SLC26A7: variants seen among roughly 807,000 people sequenced by gnomAD.
The protein encoded by SLC26A7 is solute carrier family 26 member 7.
A neutral mutation model predicts 82.5 loss-of-function variants in SLC26A7; 59 were observed. The observed-to-expected ratio is 0.72, with a 90% CI of 0.58 to 0.89. The LOEUF is 0.89. Ranked by LOEUF, SLC26A7 falls within the 40% of genes least tolerant of loss-of-function variation. The pLI, the probability that SLC26A7 is intolerant of heterozygous loss-of-function variation, is 0.00. For missense variants in SLC26A7, 820 were observed against 793.0 expected (o/e 1.03, Z -0.41); for synonymous variants, 271 against 274.3 (o/e 0.99, Z 0.12).
At chr8:91,242,644 A>T (rs912802139) in intron 2 of SLC26A7, among the ~76,000 whole-genome samples, 8 of 152,156 alleles carry the variant, frequency 5.3e-5, no homozygotes, top group East Asian at 3.9e-4. Flanking sequence ...TCTCTCTGCC[A>T]TGTGAGAATG....
At chr8:91,354,070 G>A (rs894892761) in intron 11 of SLC26A7, among the ~76,000 whole-genome samples, 4 of 152,138 alleles carry the variant, frequency 2.6e-5, no homozygotes, top group African/African-American at 9.6e-5. Flanking sequence ...ACAGTATTTT[G>A]TAGGCAGAAC....
intron 4 of SLC26A7, among the ~76,000 whole-genome samples, chr8:91,313,124 C>T (rs1238070685): frequency 6.6e-6 from 1 of 152,080 alleles, no homozygotes; most frequent in African/African-American, 2.4e-5. Flanking sequence ...TTTCAGGTCT[C>T]ATATTTAGAT....
At position 91,249,754 on chromosome 8, in the gene SLC26A7, T is replaced by C. The variant is rs1341654815; in HGVS notation, c.103T>C (p.Leu35=). The C allele has an allele frequency of 1.2e-6, 2 of 1,612,728 alleles. No homozygotes were observed. The highest frequency in any genetic ancestry group is 3.3e-5 in the Admixed American group (2 of 59,784). Residue 35 remains leucine, a synonymous_variant, in exon 2 of 19, where the codon TTG becomes CTG. Transcript: ENST00000276609. Reference sequence around the variant, plus strand: ...GTGGTGTAGAAGGCGACTGCCCATTTTGGATTGGGCACCACATTACAATCT... The same window carrying C: ...GTGGTGTAGAAGGCGACTGCCCATTCTGGATTGGGCACCACATTACAATCT... ...IQWCRRRLPI[L]DWAPHYNLKE...
At chr8:91,278,049 A>G (rs1811453462) in intron 2 of SLC26A7, among the ~76,000 whole-genome samples, 2 of 152,170 alleles carry the variant, frequency 1.3e-5, no homozygotes, top group South Asian at 4.1e-4. Context: ...AAAGCTATCA[A>G]TGTCACTTCT....
chr8:91,374,471 A>G (rs1362421987), intron 15 of SLC26A7, among the ~76,000 whole-genome samples: 2 of 151,760 alleles, frequency 1.3e-5, no homozygotes, highest in Admixed American at 6.6e-5. Context: ...TTCTACCTCA[A>G]TTTCATTGTT....
intron 15 of SLC26A7, among the ~76,000 whole-genome samples, chr8:91,377,330 G>A (rs186729378): frequency 7.2e-5 from 11 of 152,216 alleles, no homozygotes; most frequent in East Asian, 1.9e-4. Flanking sequence ...CCACATCTAC[G>A]TTTCCTTTGT....
intron 10 of SLC26A7, 95 bp from the exon 11 acceptor site, chr8:91,352,806 A>T: frequency 3.2e-6 from 3 of 934,352 alleles, no homozygotes; most frequent in Non-Finnish European, 1.6e-6. Context: ...TCTATTAAGT[A>T]CTTTAAAAAC....
At chr8:91,306,325 G>A (rs901743135) in intron 4 of SLC26A7, among the ~76,000 whole-genome samples, 1 of 152,020 alleles carries the variant, frequency 6.6e-6, no homozygotes, top group Non-Finnish European at 1.5e-5. Flanking sequence ...GTCTTGGTGT[G>A]GTTATTTGCA....
intron 2 of SLC26A7, among the ~76,000 whole-genome samples, chr8:91,251,960 A>G (rs1810669518): frequency 6.6e-6 from 1 of 152,150 alleles, no homozygotes; most frequent in African/African-American, 2.4e-5. Context: ...GTGACAAGAA[A>G]AATAACTAGA....
chr8:91,339,289 A>T (rs1426471535), intron 7 of SLC26A7, among the ~76,000 whole-genome samples: 9 of 152,050 alleles, frequency 5.9e-5, no homozygotes, highest in Non-Finnish European at 1.3e-4. Flanking sequence ...TAAAAAAAAA[A>T]GTCACGCCAC....
At chr8:91,380,182 T>C (rs916861303) in intron 15 of SLC26A7, among the ~76,000 whole-genome samples, 3 of 152,106 alleles carry the variant, frequency 2.0e-5, no homozygotes, top group African/African-American at 7.2e-5. Context: ...AGAAGTCTCC[T>C]ACAAAGTCGG....
At chr8:91,341,236 T>C (rs1052003334) in intron 8 of SLC26A7, among the ~76,000 whole-genome samples, 2 of 150,056 alleles carry the variant, frequency 1.3e-5, no homozygotes, top group African/African-American at 2.5e-5. Context: ...GAATATGCGG[T>C]GTTTGGTTTT....
intron 5 of SLC26A7, among the ~76,000 whole-genome samples, chr8:91,332,491 T>TACAC (rs34306717): frequency 0.16 from 19,977 of 125,034 alleles, 1,739 homozygotes; most frequent in East Asian, 0.3. Flanking sequence ...ATATATTTAA[T>TACAC]ACACACACAC....
intron 2 of SLC26A7, among the ~76,000 whole-genome samples, chr8:91,256,135 G>A (rs1810794421): frequency 6.6e-6 from 1 of 152,084 alleles, no homozygotes; most frequent in African/African-American, 2.4e-5. Flanking sequence ...AACCATCTTG[G>A]GGATTAAAAG....
chr8:91,211,390 G>A (rs1211610451), intron 1 of SLC26A7, among the ~76,000 whole-genome samples: 2 of 151,262 alleles, frequency 1.3e-5, no homozygotes, highest in Admixed American at 1.3e-4. Flanking sequence ...GATTGATAAA[G>A]AAAATTGAGA....
At chr8:91,244,420 C>A (rs978295722), upstream of SLC26A7, among the ~76,000 whole-genome samples, 7 of 142,720 alleles carry the variant, frequency 4.9e-5, no homozygotes, top group Non-Finnish European at 9.2e-5. Context: ...TTTATGATTT[C>A]TTTGAAAATG....
chr8:91,214,360 G>C (rs1020167229), intron 1 of SLC26A7, among the ~76,000 whole-genome samples: 2 of 152,140 alleles, frequency 1.3e-5, no homozygotes, highest in Non-Finnish European at 2.9e-5. Flanking sequence ...CTCAGTTGGA[G>C]ACAGACTGGC....
intron 16 of SLC26A7, among the ~76,000 whole-genome samples, chr8:91,393,036 G>A (rs1031826170): frequency 3.9e-5 from 6 of 152,090 alleles, no homozygotes; most frequent in Admixed American, 1.3e-4. Context: ...AATTTTGAAT[G>A]TACAATGCAC....
intron 4 of SLC26A7, among the ~76,000 whole-genome samples, chr8:91,317,800 T>C (rs1812679880): frequency 6.6e-6 from 1 of 151,934 alleles, no homozygotes; most frequent in East Asian, 1.9e-4. Flanking sequence ...TTAAACTGAT[T>C]TGAGTGTATT....
Sources: allele counts gnomAD v4.1 joint callset (sites outside exome capture counted in the v4.1 genomes callset), GRCh38; gene constraint gnomAD v4.1.1; transcripts MANE v1.5; gene names NCBI Gene and HGNC (gene_info 2026-07-23, HGNC 2026-07-21).